CUL4B: variants seen among roughly 807,000 people sequenced by gnomAD.
The protein encoded by CUL4B is cullin-4B.
A neutral mutation model predicts 69.2 loss-of-function variants in CUL4B; 1 was observed. That is an observed-to-expected ratio of 0.01 (90% CI 0.01 to 0.07). CUL4B has a LOEUF of 0.07. Ranked by LOEUF, CUL4B falls within the 10% of genes least tolerant of loss-of-function variation. The pLI is 1.00. For synonymous variants in CUL4B, 237 were observed against 223.2 expected, an observed-to-expected ratio of 1.06 and a Z score of -0.55; for missense variants, 328 against 638.8, an observed-to-expected ratio of 0.51 and a Z score of 5.24.
rs762718166 is a variant in CUL4B, at chrX:120,546,745, C to A, written c.777-129G>T. On this transcript the variant is annotated intron_variant, in intron 3 of 19. Coordinates refer to ENST00000371322, the MANE Select transcript of CUL4B (RefSeq NM_001079872.2). ...TGAAACTAAATGGCACTTGATTATG[C>A]ACCAAAGTGCTATTTCCTAATTTGT... 1.7e-5 allele frequency: 8 copies of A among 458,029 alleles called. No individual in the cohort carries two copies. The East Asian group carries it at 3.1e-4, about 18-fold the overall frequency. 37.7% of individuals were successfully genotyped at this position (458,029 alleles called of 1,213,427 possible). A position where few individuals can be genotyped will look rare whatever the true frequency, so the allele number is the denominator to read the frequency against.
downstream of CUL4B, chrX:120,571,089 G>A (rs946440542): frequency 9.1e-6 from 1 of 109,508 alleles, no homozygotes; most frequent in Admixed American, 9.8e-5. Context: ...GATTGCTCTA[G>A]GGGAAGTATG....
At chrX:120,556,911 ATATTT>A (rs1925003016) in intron 2 of CUL4B, among the ~76,000 whole-genome samples, 1 of 69,966 alleles carries the variant, frequency 1.4e-5, no homozygotes. Context: ...AAGTATATAT[ATATTT>A]TTTTTTTTTT....
chrX:120,573,817 CCTTTTCTTTTTT>C (rs757904039), intron 2 of CUL4B, among the ~76,000 whole-genome samples: 11 of 111,899 alleles, frequency 9.8e-5, no homozygotes, highest in African/African-American at 3.6e-4. Flanking sequence ...GAATTTCCTT[CCTTTTCTTTTTT>C]CTTTTCTTTT....
intron 2 of CUL4B, among the ~76,000 whole-genome samples, chrX:120,556,110 A>G (rs773518260): frequency 3.5e-4 from 39 of 110,829 alleles, no homozygotes; most frequent in Non-Finnish European, 5.5e-4. Context: ...GGCCTTTCCA[A>G]GTCAGTTTCA....
chrX:120,546,630 T>G lies in CUL4B; in HGVS notation c.777-14A>C. 1 of 1,135,301 alleles carries G rather than the reference T, an allele frequency of 8.8e-7. No homozygotes were observed. Among genetic ancestry groups the G allele is most frequent in the Non-Finnish European group, 1.2e-6 (1 of 827,024 alleles). The allele number at this position is 1,135,301 out of a possible 1,213,427, so 93.6% of individuals were successfully genotyped here. On this transcript the variant is annotated splice_polypyrimidine_tract_variant and intron_variant, in intron 3 of 19. Coordinates refer to ENST00000371322, the MANE Select transcript of CUL4B (RefSeq NM_001079872.2). ...TCCAATGAATCCCTGAAACATATGT[T>G]AAGGATATTTTAAAGCGTTTGGTAC...
rs918835696 is a variant in CUL4B, at chrX:120,527,062, C to CT, written c.2593-207dup. 0.023 allele frequency among the ~76,000 whole-genome samples: 2,285 copies of CT among 100,788 alleles called. 40 individuals are homozygous for CT. The highest frequency in any genetic ancestry group is 0.041 in the Middle Eastern group (8 of 194). The allele number at this position is 100,788 out of a possible 115,157, so 87.5% of individuals were successfully genotyped here. A position where few individuals can be genotyped will look rare whatever the true frequency, so the allele number is the denominator to read the frequency against. ...AAATGTTTTATACACGTTGAAGATT[C>CT]TTTTTTTTTTTTTTTGAGACGGAGT... On this transcript the variant is annotated intron_variant, in intron 19 of 19. Transcript: ENST00000371322.
chrX:120,534,332 G>T, intron 17 of CUL4B, 149 bp downstream of exon 17: 2 of 476,403 alleles, frequency 4.2e-6, no homozygotes, highest in South Asian at 3.0e-5. Flanking sequence ...CCCAGCCTGG[G>T]TGACAGAGTG....
At chrX:120,546,188 C>G (rs1924309333) in intron 4 of CUL4B, among the ~76,000 whole-genome samples, 1 of 110,439 alleles carries the variant, frequency 9.1e-6, no homozygotes, top group South Asian at 3.8e-4. Flanking sequence ...AAATAGAAAA[C>G]TCAACCAAAA....
chrX:120,545,618 T>C (rs1924268525), intron 4 of CUL4B, 101 bp from the exon 5 acceptor site: 3 of 553,126 alleles, frequency 5.4e-6, no homozygotes, highest in Admixed American at 5.9e-5. Flanking sequence ...TCTGTATATA[T>C]ATTACATTAC....
chrX:120,561,073 A>C, upstream of CUL4B: 1 of 995,766 alleles, frequency 1.0e-6, no homozygotes. Flanking sequence ...TCAATAGCAC[A>C]AGAGGCTAAA....
At chrX:120,534,630 C>T (rs1363007877) in intron 16 of CUL4B, 44 bp from the exon 17 acceptor site, 4 of 873,599 alleles carry the variant, frequency 4.6e-6, no homozygotes, top group Non-Finnish European at 6.8e-6. Flanking sequence ...TTTTTAAAAA[C>T]ACATGAAAAA....
chrX:120,552,300 A>T (rs1280371881), intron 2 of CUL4B, among the ~76,000 whole-genome samples: 1 of 111,482 alleles, frequency 9.0e-6, no homozygotes, highest in Non-Finnish European at 1.9e-5. Flanking sequence ...GACACGTGCC[A>T]CCACACCTGG....
At chrX:120,566,382 T>C (rs1925544289), upstream of CUL4B, among the ~76,000 whole-genome samples, 1 of 82,892 alleles carries the variant, frequency 1.2e-5, no homozygotes, top group Non-Finnish European at 2.4e-5. Flanking sequence ...TATATATATA[T>C]ATATATATGT....
intron 19 of CUL4B, 72 bp downstream of exon 19, chrX:120,530,029 AT>A: frequency 2.8e-6 from 3 of 1,068,934 alleles, no homozygotes; most frequent in Non-Finnish European, 3.9e-6. Context: ...TGTTTGCAAG[AT>A]TTGTGTCTGA....
At chrX:120,540,941 C>T (rs1923952110) in intron 10 of CUL4B, among the ~76,000 whole-genome samples, 1 of 112,464 alleles carries the variant, frequency 8.9e-6, no homozygotes, top group Non-Finnish European at 1.9e-5. Flanking sequence ...TATTAGAAGC[C>T]TCTGGGATCT....
intron 5 of CUL4B, 102 bp downstream of exon 5, chrX:120,545,342 A>T: frequency 3.2e-6 from 2 of 620,315 alleles, no homozygotes; most frequent in Non-Finnish European, 5.2e-6. Flanking sequence ...CCAAATGTGA[A>T]TTTTTAGAAT....
chrX:120,559,984 G>C, intron 1 of CUL4B, 99 bp downstream of exon 1: 1 of 1,193,264 alleles, frequency 8.4e-7, no homozygotes, highest in Non-Finnish European at 1.1e-6. Flanking sequence ...AAAACATTAG[G>C]CCACCTCCAA....
At chrX:120,552,064 A>T (rs929604211) in intron 2 of CUL4B, among the ~76,000 whole-genome samples, 1 of 112,268 alleles carries the variant, frequency 8.9e-6, no homozygotes, top group Non-Finnish European at 1.9e-5. Context: ...ATTTTTACAT[A>T]TTATGCATTG....
chrX:120,563,394 C>T (rs1290156676), upstream of CUL4B, among the ~76,000 whole-genome samples: 1 of 111,407 alleles, frequency 9.0e-6, no homozygotes, highest in Admixed American at 9.5e-5. Flanking sequence ...ATCACTACGC[C>T]TGCTAATTTT....
Sources: gnomAD v4.1 joint callset for allele counts (sites outside exome capture counted in the v4.1 genomes callset) on GRCh38, gnomAD v4.1.1 for gene constraint, MANE v1.5 for transcripts, NCBI Gene and HGNC (gene_info 2026-07-23, HGNC 2026-07-21) for gene names.